The following HSD17B12 variants were observed in gnomAD, a reference collection of about 807,000 sequenced individuals.
HSD17B12 encodes hydroxysteroid 17-beta dehydrogenase 12, also known as very-long-chain 3-oxoacyl-CoA reductase.
HSD17B12 carries 32 observed loss-of-function variants against 39.3 expected under a neutral mutation model. The ratio of observed to expected loss-of-function variants is 0.81; its 90% confidence interval spans 0.61 to 1.09. The LOEUF (loss-of-function observed/expected upper bound fraction) is 1.09. Among genes scored for constraint, HSD17B12 ranks in the 50% least tolerant of loss-of-function variants. The probability of loss-of-function intolerance (pLI) is 0.00; values close to 1 mark genes in which losing one functional copy is unlikely to be tolerated. For missense variants in HSD17B12, 342 were observed against 382.9 expected, an observed-to-expected ratio of 0.89 and a Z score of 0.89; for synonymous variants, 150 against 146.7, an observed-to-expected ratio of 1.02 and a Z score of -0.16.
intron 3 of HSD17B12, chr11:43,755,677 T>C (rs996803008): frequency 6.6e-6 from 1 of 152,240 alleles, no homozygotes. Context: ...TAGTGCCTTA[T>C]TATTTATTCA....
chr11:43,563,416 G>C, the HSD17B12 span, among the ~76,000 whole-genome samples: 1 of 152,200 alleles, frequency 6.6e-6, no homozygotes, highest in East Asian at 1.9e-4. Context: ...AAATTTATCT[G>C]CTCAGTGTCC....
At chr11:43,681,569 A>G (rs1439140683) in intron 1 of HSD17B12, among the ~76,000 whole-genome samples, 1 of 152,132 alleles carries the variant, frequency 6.6e-6, no homozygotes, top group Non-Finnish European at 1.5e-5. Flanking sequence ...TACAATTACA[A>G]AGCCCCTTTA....
chr11:43,801,605 T>G (rs1286761353), intron 4 of HSD17B12, among the ~76,000 whole-genome samples: 1 of 15,026 alleles, frequency 6.7e-5, no homozygotes, highest in East Asian at 4.5e-3. Context: ...GATATATATA[T>G]ATATATATAT....
At chr11:43,808,290 ATTT>A (rs35078092) in intron 4 of HSD17B12, among the ~76,000 whole-genome samples, 5 of 145,918 alleles carry the variant, frequency 3.4e-5, no homozygotes, top group Admixed American at 6.9e-5. Flanking sequence ...AGGTGCATGG[ATTT>A]TTTTTTTTTT....
intron 3 of HSD17B12, among the ~76,000 whole-genome samples, chr11:43,773,618 G>A (rs772404273): frequency 2.6e-5 from 4 of 152,142 alleles, no homozygotes; most frequent in Non-Finnish European, 2.9e-5. Flanking sequence ...CAAATACTCC[G>A]TGTCCCCATA....
chr11:43,668,052 T>G, the HSD17B12 span, among the ~76,000 whole-genome samples: 1 of 152,166 alleles, frequency 6.6e-6, no homozygotes, highest in African/African-American at 2.4e-5. Context: ...CAGAGCATGA[T>G]ACACTTCCTT....
intron 1 of HSD17B12, among the ~76,000 whole-genome samples, chr11:43,697,552 A>G (rs1455588722): frequency 1.3e-5 from 2 of 152,204 alleles, no homozygotes; most frequent in African/African-American, 4.8e-5. Flanking sequence ...CAGTTTACCC[A>G]AAGTCACATA....
chr11:43,695,144 A>C lies in HSD17B12; in HGVS notation c.160+14157A>C, dbSNP rs1413549378. ...GAGTGAGACTCTGTCTCAAAAGATC[A>C]TGCATTTTGGGAAACACTGGACTAG... On this transcript the variant is annotated intron_variant, in intron 1 of 10. Coordinates refer to ENST00000278353, the MANE Select transcript of HSD17B12 (RefSeq NM_016142.3). Among the ~76,000 whole-genome samples, 5 of 151,968 alleles carry C rather than the reference A, an allele frequency of 3.3e-5. No homozygotes were observed. In the East Asian group the frequency reaches 9.7e-4, roughly 29 times the overall value.
At chr11:43,757,212 T>A (rs1950514077) in intron 3 of HSD17B12, among the ~76,000 whole-genome samples, 1 of 152,218 alleles carries the variant, frequency 6.6e-6, no homozygotes, top group African/African-American at 2.4e-5. Context: ...TTCCTTTGAT[T>A]ATACCTTTAA....
chr11:43,824,101 TTAC>T (rs1393449925), intron 6 of HSD17B12, among the ~76,000 whole-genome samples: 1 of 152,146 alleles, frequency 6.6e-6, no homozygotes, highest in African/African-American at 2.4e-5. Flanking sequence ...CAGACCTGAA[TTAC>T]TACATGGCAG....
At chr11:43,747,145 C>T (rs1036466324) in intron 1 of HSD17B12, among the ~76,000 whole-genome samples, 5 of 152,142 alleles carry the variant, frequency 3.3e-5, no homozygotes, top group African/African-American at 9.7e-5. Context: ...AACTAAATGC[C>T]GATCATCATT....
chr11:43,838,400 T>TA lies in HSD17B12; in HGVS notation c.618+8dup, dbSNP rs762352750. 1.2e-6 allele frequency: 2 copies of TA among 1,602,402 alleles called. No homozygotes were observed. Among genetic ancestry groups the TA allele is most frequent in the East Asian group, 2.2e-5 (1 of 44,808 alleles). On this transcript the variant is annotated splice_region_variant and intron_variant, in intron 8 of 10. Coordinates refer to ENST00000278353, the MANE Select transcript of HSD17B12 (RefSeq NM_016142.3). The stretch of plus-strand genomic sequence containing the variant: ...TTGACCATCTATTCTGCAACCAAGG[T>TA]AAAAAATATTTTCTTAAATCATGTC...
intron 6 of HSD17B12, among the ~76,000 whole-genome samples, chr11:43,821,715 T>C (rs1253007596): frequency 6.6e-6 from 1 of 152,198 alleles, no homozygotes; most frequent in East Asian, 1.9e-4. Context: ...CAGACAAATG[T>C]AGGTTTCATT....
the HSD17B12 span, chr11:43,644,542 G>A: frequency 6.6e-6 from 1 of 152,564 alleles, no homozygotes; most frequent in Non-Finnish European, 1.5e-5. Flanking sequence ...TAGGCATATG[G>A]GGTTGTGCTT....
intron 3 of HSD17B12, among the ~76,000 whole-genome samples, chr11:43,770,819 A>G (rs1950642065): frequency 1.3e-5 from 2 of 152,202 alleles, no homozygotes; most frequent in South Asian, 4.1e-4. Context: ...GAAATTCTAT[A>G]TTGTTTGCAA....
the HSD17B12 span, among the ~76,000 whole-genome samples, chr11:43,588,963 A>G: frequency 6.9e-6 from 1 of 144,736 alleles, no homozygotes; most frequent in South Asian, 2.2e-4. Context: ...GTTTTTGCAA[A>G]TCACTCTTTT....
chr11:43,840,449 C>T (rs564956292), intron 9 of HSD17B12, among the ~76,000 whole-genome samples: 4 of 151,996 alleles, frequency 2.6e-5, no homozygotes, highest in African/African-American at 9.7e-5. Context: ...TAAGTACATT[C>T]ACATATCGTG....
chr11:43,759,154 A>T (rs1950536185), intron 3 of HSD17B12, among the ~76,000 whole-genome samples: 1 of 152,166 alleles, frequency 6.6e-6, no homozygotes. Flanking sequence ...TGGGGGATTG[A>T]TGAGGAAATT....
Position 43,685,791 on chromosome 11 carries a change from C to G in HSD17B12, c.160+4804C>G, listed in dbSNP as rs539526605. 4.6e-5 allele frequency among the ~76,000 whole-genome samples: 7 copies of G among 152,230 alleles called. No individual in the cohort carries two copies. In the South Asian group the frequency reaches 1.4e-3, roughly 32 times the overall value. On this transcript the variant is annotated intron_variant, in intron 1 of 10. Coordinates refer to ENST00000278353, the MANE Select transcript of HSD17B12 (RefSeq NM_016142.3). ...TTATACCTACAAACTTTATTAAAAG[C>G]TTTTTGATTGAAGACACACTTTCAC...
Sources: allele counts gnomAD v4.1 joint callset (sites outside exome capture counted in the v4.1 genomes callset), GRCh38; gene constraint gnomAD v4.1.1; transcripts MANE v1.5; gene names NCBI Gene and HGNC (gene_info 2026-07-23, HGNC 2026-07-21).